Variants in PPP4R1 observed in about 807,000 individuals in gnomAD.
The protein encoded by PPP4R1 is protein phosphatase 4 regulatory subunit 1.
A neutral mutation model predicts 111.2 loss-of-function variants in PPP4R1; 42 were observed. The ratio of observed to expected loss-of-function variants is 0.38; its 90% CI spans 0.29 to 0.49. The LOEUF is 0.49. PPP4R1 is among the 20% of genes least tolerant of loss of function. PPP4R1 has a pLI of 0.97. For synonymous variants in PPP4R1, 409 were observed against 405.5 expected, an observed-to-expected ratio of 1.01 and a Z score of -0.10; for missense variants, 1,012 against 1,161.6, an observed-to-expected ratio of 0.87 and a Z score of 1.87.
chr18:9,560,124 T>TA (rs2066649600), intron 13 of PPP4R1, among the ~76,000 whole-genome samples: 1 of 151,614 alleles, frequency 6.6e-6, no homozygotes, highest in African/African-American at 2.4e-5. Flanking sequence ...TACAAAAAAT[T>TA]AAAAAATCAG....
At chr18:9,596,895 A>C (rs1431047991) in intron 2 of PPP4R1, among the ~76,000 whole-genome samples, 3 of 152,256 alleles carry the variant, frequency 2.0e-5, no homozygotes, top group Admixed American at 1.3e-4. Context: ...AGAACACTTA[A>C]ACATGATCTT....
At chr18:9,577,407 G>A (rs2066954123) in intron 9 of PPP4R1, among the ~76,000 whole-genome samples, 1 of 152,212 alleles carries the variant, frequency 6.6e-6, no homozygotes. Context: ...GCTCATGCCT[G>A]TAATCCCAGC....
At chr18:9,561,839 C>T (rs750417822) in intron 13 of PPP4R1, 141 bp downstream of exon 13, 11 of 658,136 alleles carry the variant, frequency 1.7e-5, no homozygotes, top group Middle Eastern at 2.9e-4. Context: ...TCTACTACTT[C>T]GATTTCCTTA....
At chr18:9,606,809 T>C (rs1011632918) in intron 2 of PPP4R1, among the ~76,000 whole-genome samples, 4 of 152,186 alleles carry the variant, frequency 2.6e-5, no homozygotes, top group African/African-American at 9.6e-5. Context: ...AGAAAGGTAG[T>C]ATAACAAAGC....
chr18:9,565,008 G>A (rs1216544212), intron 11 of PPP4R1, among the ~76,000 whole-genome samples: 4 of 152,002 alleles, frequency 2.6e-5, no homozygotes, highest in African/African-American at 4.8e-5. Flanking sequence ...CATGCTGGGC[G>A]TGATAACTGT....
In PPP4R1 at chr18:9,547,666, A is replaced by G; in HGVS notation, c.*123T>C. 1 of 1,228,172 alleles carries G rather than the reference A, an allele frequency of 8.1e-7. No individual in the cohort carries two copies. The highest frequency in any genetic ancestry group is 1.5e-5 in the African/African-American group (1 of 66,340). 76.1% of individuals were successfully genotyped at this position (1,228,172 alleles called of 1,614,324 possible). A position where few individuals can be genotyped will look rare whatever the true frequency, so the allele number is the denominator to read the frequency against. Reference sequence around the variant, plus strand: ...TGGGTGTAGGCAACTTGCACCTGCAATGAAGTCCGCAGGAGAGGAAGGTCT... The same window carrying G: ...TGGGTGTAGGCAACTTGCACCTGCAGTGAAGTCCGCAGGAGAGGAAGGTCT... On this transcript the variant is annotated 3_prime_UTR_variant, in exon 20 of 20. Coordinates refer to ENST00000400556, the MANE Select transcript of PPP4R1 (RefSeq NM_001042388.3).
chr18:9,574,997 CA>C (rs2066916039), intron 10 of PPP4R1, among the ~76,000 whole-genome samples: 1 of 152,156 alleles, frequency 6.6e-6, no homozygotes, highest in Admixed American at 6.5e-5. Context: ...TCAGCACTTT[CA>C]AAGAAGCATT....
intron 11 of PPP4R1, among the ~76,000 whole-genome samples, chr18:9,566,086 T>C (rs1269105008): frequency 6.6e-6 from 1 of 151,908 alleles, no homozygotes; most frequent in African/African-American, 2.4e-5. Flanking sequence ...AATTTTTGTA[T>C]TATTAGTAGA....
At chr18:9,605,230 C>T (rs1445739926) in intron 2 of PPP4R1, among the ~76,000 whole-genome samples, 2 of 152,010 alleles carry the variant, frequency 1.3e-5, no homozygotes, top group Non-Finnish European at 2.9e-5. Context: ...AGATTTGGGG[C>T]TTTAAAATTA....
At chr18:9,591,641 A>G (rs1414834440) in intron 4 of PPP4R1, among the ~76,000 whole-genome samples, 2 of 152,226 alleles carry the variant, frequency 1.3e-5, no homozygotes, top group Admixed American at 1.3e-4. Context: ...TATCTTACCC[A>G]GCTATCACAA....
intron 4 of PPP4R1, 41 bp downstream of exon 4, chr18:9,593,727 G>T: frequency 6.5e-7 from 1 of 1,534,872 alleles, no homozygotes; most frequent in African/African-American, 1.4e-5. Context: ...GATCAAAGAA[G>T]CCTTTCTAGA....
At chr18:9,590,258 A>AT (rs1249833275) in intron 4 of PPP4R1, 4 of 152,240 alleles carry the variant, frequency 2.6e-5, no homozygotes, top group Admixed American at 2.6e-4. Context: ...CTTTAAGTAG[A>AT]TAATACTGTA....
chr18:9,561,162 T>C (rs573914574), intron 13 of PPP4R1, among the ~76,000 whole-genome samples: 2 of 150,582 alleles, frequency 1.3e-5, no homozygotes, highest in Admixed American at 1.3e-4. Context: ...GAGGCTGCAG[T>C]AAGCTGAGAT....
intron 11 of PPP4R1, among the ~76,000 whole-genome samples, chr18:9,568,315 G>C (rs1598909722): frequency 6.6e-6 from 1 of 152,170 alleles, no homozygotes; most frequent in South Asian, 2.1e-4. Flanking sequence ...GCAAGCCACT[G>C]CACCTGTGGT....
intron 15 of PPP4R1, among the ~76,000 whole-genome samples, chr18:9,555,997 C>CAAAAAAA (rs71358236): frequency 1.2e-4 from 17 of 136,900 alleles, no homozygotes; most frequent in African/African-American, 3.0e-4. Context: ...AACAAACAAA[C>CAAAAAAA]AAAAAAACAC....
At chr18:9,594,604 T>C (rs1193498658) in intron 3 of PPP4R1, 3 of 157,900 alleles carry the variant, frequency 1.9e-5, no homozygotes, top group African/African-American at 4.8e-5. Flanking sequence ...TCTGGGATCA[T>C]GGCTGGACAA....
chr18:9,549,428 G>A (rs973806425), intron 18 of PPP4R1, 90 bp from the exon 19 acceptor site: 1 of 1,479,022 alleles, frequency 6.8e-7, no homozygotes, highest in African/African-American at 1.4e-5. Flanking sequence ...GTGACCACAG[G>A]TACAAATTTT....
Position 9,614,070 on chromosome 18 carries a change from A to T in PPP4R1, c.52+156T>A. 1.9e-6 allele frequency: 1 copy of T among 530,384 alleles called. No homozygotes were observed. Among genetic ancestry groups the T allele is most frequent in the Non-Finnish European group, 2.7e-6 (1 of 370,792 alleles). The allele number at this position is 530,384 out of a possible 1,614,324, so 32.9% of individuals were successfully genotyped here. A position where few individuals can be genotyped will look rare whatever the true frequency, so the allele number is the denominator to read the frequency against. On this transcript the variant is annotated intron_variant, in intron 2 of 19. Transcript: ENST00000400556. The surrounding 1 kb of genome is among the most constrained non-coding windows in gnomAD (Gnocchi z 4.1). The stretch of plus-strand genomic sequence containing the variant: ...GGCGCGCCGTTTCCTCACGGACGCG[A>T]GATTTTCCCCCCCGATCGCCACCCC...
chr18:9,589,040 G>A (rs114968278), intron 4 of PPP4R1, among the ~76,000 whole-genome samples, 187 bp from the exon 5 acceptor site: 208 of 152,306 alleles, frequency 1.4e-3, no homozygotes, highest in African/African-American at 4.8e-3. Flanking sequence ...AGTGAAAGGA[G>A]GACCTTATCT....
Sources: gnomAD v4.1 joint callset for allele counts (sites outside exome capture counted in the v4.1 genomes callset) on GRCh38, gnomAD v4.1.1 for gene constraint, Gnocchi (gnomAD v3.1) non-coding constraint, MANE v1.5 for transcripts, NCBI Gene and HGNC (gene_info 2026-07-23, HGNC 2026-07-21) for gene names.